ARHGAP24: variants seen among roughly 807,000 people sequenced by gnomAD.
The protein encoded by ARHGAP24 is Rho GTPase activating protein 24.
Under a neutral mutation model 76.4 loss-of-function variants are expected in ARHGAP24, and 50 were observed. The ratio of observed to expected loss-of-function variants is 0.65; its 90% CI spans 0.52 to 0.83. ARHGAP24 has a LOEUF of 0.83. Ranked by LOEUF, ARHGAP24 falls within the 40% of genes least tolerant of loss-of-function variation. ARHGAP24 has a pLI of 0.00. For missense variants in ARHGAP24, 930 were observed against 914.2 expected (o/e 1.02, Z -0.22); for synonymous variants, 345 against 323.3 (o/e 1.07, Z -0.72).
chr4:85,699,810 C>T (rs77012517), intron 2 of ARHGAP24, among the ~76,000 whole-genome samples: 3,391 of 152,108 alleles, frequency 0.022, 51 homozygotes, highest in South Asian at 0.057. Flanking sequence ...ATTAAGTATA[C>T]GATCCACTAG....
At chr4:85,547,959 T>A (rs1433655914) in intron 1 of ARHGAP24, among the ~76,000 whole-genome samples, 1 of 152,248 alleles carries the variant, frequency 6.6e-6, no homozygotes, top group Non-Finnish European at 1.5e-5. Flanking sequence ...AAGGAAGAGC[T>A]TTCCCATGTC....
chr4:85,857,732 C>T (rs1434371391), intron 3 of ARHGAP24, among the ~76,000 whole-genome samples: 2 of 152,132 alleles, frequency 1.3e-5, no homozygotes, highest in African/African-American at 2.4e-5. Flanking sequence ...ATTTTGTGCT[C>T]TCTTCAATTG....
intron 2 of ARHGAP24, among the ~76,000 whole-genome samples, chr4:85,672,038 C>T (rs1386308301): frequency 1.3e-5 from 2 of 152,172 alleles, no homozygotes; most frequent in Non-Finnish European, 2.9e-5. Flanking sequence ...GTGAACACAA[C>T]ACAGTTTTCT....
chr4:85,974,250 G>C (rs1021027631), intron 6 of ARHGAP24, among the ~76,000 whole-genome samples: 2 of 152,090 alleles, frequency 1.3e-5, no homozygotes, highest in African/African-American at 4.8e-5. Flanking sequence ...GAGGTGAGTG[G>C]TTGCAAGCAG....
intron 1 of ARHGAP24, among the ~76,000 whole-genome samples, chr4:85,549,819 A>G (rs773144579): frequency 2.6e-5 from 4 of 152,074 alleles, no homozygotes; most frequent in Non-Finnish European, 5.9e-5. Context: ...GCCAATGTGT[A>G]CTCAATGTTT....
intron 5 of ARHGAP24, among the ~76,000 whole-genome samples, chr4:85,947,123 A>G (rs1737323246): frequency 6.6e-6 from 1 of 152,080 alleles, no homozygotes; most frequent in South Asian, 2.1e-4. Flanking sequence ...GGCATCTTGT[A>G]TGTCTTCTTT....
chr4:85,784,562 G>A (rs1362425928), intron 3 of ARHGAP24, among the ~76,000 whole-genome samples: 2 of 151,902 alleles, frequency 1.3e-5, no homozygotes, highest in South Asian at 2.1e-4. Flanking sequence ...AGCAAACTGA[G>A]CTGGATTTCA....
chr4:85,848,643 C>T (rs929295954), intron 3 of ARHGAP24, among the ~76,000 whole-genome samples: 4 of 152,134 alleles, frequency 2.6e-5, no homozygotes, highest in Admixed American at 6.6e-5. Context: ...GGAAGAGATC[C>T]GGTTTCAGCT....
chr4:85,657,044 G>T (rs930821653), intron 2 of ARHGAP24, among the ~76,000 whole-genome samples: 2 of 152,052 alleles, frequency 1.3e-5, no homozygotes, highest in Non-Finnish European at 2.9e-5. Context: ...ACATTGCAAT[G>T]GTGTTTTGGA....
chr4:85,997,385 TAG>T (rs1740737808), intron 9 of ARHGAP24, among the ~76,000 whole-genome samples: 4 of 59,320 alleles, frequency 6.7e-5, no homozygotes, highest in Admixed American at 4.0e-4. Context: ...GATAGATAGA[TAG>T]ATAGATAGAT....
chr4:85,640,118 C>T (rs2109969673), intron 2 of ARHGAP24, among the ~76,000 whole-genome samples: 1 of 152,248 alleles, frequency 6.6e-6, no homozygotes, highest in East Asian at 1.9e-4. Flanking sequence ...CCCACACCCT[C>T]AACAACCTCT....
chr4:85,898,403 G>T (rs568126039), intron 3 of ARHGAP24, among the ~76,000 whole-genome samples: 10 of 152,054 alleles, frequency 6.6e-5, no homozygotes, highest in Non-Finnish European at 1.2e-4. Context: ...GTGCATACAG[G>T]CTCTTAGACA....
At chr4:85,951,132 G>T (rs1209334363) in intron 5 of ARHGAP24, among the ~76,000 whole-genome samples, 1 of 152,020 alleles carries the variant, frequency 6.6e-6, no homozygotes, top group Non-Finnish European at 1.5e-5. Context: ...GAATCCCTTG[G>T]TCTCCGGTGG....
intron 2 of ARHGAP24, among the ~76,000 whole-genome samples, chr4:85,669,600 A>G (rs1305162823): frequency 6.8e-6 from 1 of 146,494 alleles, no homozygotes; most frequent in Non-Finnish European, 1.5e-5. Flanking sequence ...TAAAAATCTG[A>G]ATTAAAAAGT....
At chr4:85,770,624 A>G (rs1727096719) in intron 3 of ARHGAP24, among the ~76,000 whole-genome samples, 1 of 152,224 alleles carries the variant, frequency 6.6e-6, no homozygotes, top group African/African-American at 2.4e-5. Context: ...TGAATTTCAC[A>G]TCTGAAAGAA....
At chr4:85,780,490 T>G (rs1467501770) in intron 3 of ARHGAP24, among the ~76,000 whole-genome samples, 1 of 145,886 alleles carries the variant, frequency 6.9e-6, no homozygotes, top group African/African-American at 2.6e-5. Flanking sequence ...ATTCTTGTAT[T>G]ATTTTTATAG....
intron 3 of ARHGAP24, among the ~76,000 whole-genome samples, chr4:85,804,137 G>A (rs770831988): frequency 4.0e-5 from 6 of 151,770 alleles, no homozygotes; most frequent in South Asian, 2.1e-4. Context: ...CTTAAATAGC[G>A]TTTTATAGAA....
intron 2 of ARHGAP24, among the ~76,000 whole-genome samples, chr4:85,584,581 T>TAA (rs1419370894): frequency 6.6e-6 from 1 of 151,780 alleles, no homozygotes; most frequent in Non-Finnish European, 1.5e-5. Flanking sequence ...CCCTAAAACT[T>TAA]AAAGTATAAT....
chr4:85,666,790 G>A lies in ARHGAP24; in HGVS notation c.181-55095G>A, dbSNP rs187310141. 4.2e-4 allele frequency among the ~76,000 whole-genome samples: 64 copies of A among 152,358 alleles called. No homozygotes were observed. In the East Asian group the frequency reaches 0.011, roughly 26 times the overall value. On this transcript the variant is annotated intron_variant, in intron 2 of 9. Transcript: ENST00000395184. ...GACCCTGTTTGCCTGGGTATCAGTAGCGGTGGCTGCAGCACAGCAGATTTT... is the reference window on the plus strand; with the variant it reads ...GACCCTGTTTGCCTGGGTATCAGTAACGGTGGCTGCAGCACAGCAGATTTT...
Sources: gnomAD v4.1 joint callset for allele counts (sites outside exome capture counted in the v4.1 genomes callset) on GRCh38, gnomAD v4.1.1 for gene constraint, MANE v1.5 for transcripts, NCBI Gene and HGNC (gene_info 2026-07-23, HGNC 2026-07-21) for gene names.